ANO6: variants seen among roughly 807,000 people sequenced by gnomAD.
ANO6 encodes anoctamin 6.
A neutral mutation model predicts 117.5 loss-of-function variants in ANO6; 106 were observed. The ratio of observed to expected loss-of-function variants is 0.90; its 90% CI spans 0.77 to 1.06. The LOEUF is 1.06. Among genes scored for constraint, ANO6 ranks in the 50% least tolerant of loss-of-function variants. ANO6 has a pLI of 0.00. For synonymous variants in ANO6, 367 were observed against 385.1 expected, an observed-to-expected ratio of 0.95 and a Z score of 0.55; for missense variants, 955 against 1,121.1, an observed-to-expected ratio of 0.85 and a Z score of 2.12.
At chr12:45,378,646 C>G (rs1186495800) in intron 10 of ANO6, among the ~76,000 whole-genome samples, 1 of 152,116 alleles carries the variant, frequency 6.6e-6, no homozygotes, top group Non-Finnish European at 1.5e-5. Context: ...AGTCATATGG[C>G]CAAACCAGCA....
chr12:45,300,045 C>T (rs1379291890), intron 1 of ANO6, among the ~76,000 whole-genome samples: 1 of 152,042 alleles, frequency 6.6e-6, no homozygotes, highest in Non-Finnish European at 1.5e-5. Flanking sequence ...TTTTGGGTCA[C>T]TGAATGTTTC....
At chr12:45,310,761 G>A (rs1458070137) in intron 2 of ANO6, among the ~76,000 whole-genome samples, 1 of 152,004 alleles carries the variant, frequency 6.6e-6, no homozygotes, top group African/African-American at 2.4e-5. Context: ...TCATCTCAAG[G>A]TGATACAGGG....
intron 1 of ANO6, among the ~76,000 whole-genome samples, chr12:45,283,798 C>T (rs530712377): frequency 1.3e-5 from 2 of 152,230 alleles, no homozygotes; most frequent in African/African-American, 2.4e-5. Context: ...TTAATGTCAC[C>T]GGAATCCATG....
At chr12:45,385,984 C>G (rs1942288451) in intron 10 of ANO6, among the ~76,000 whole-genome samples, 1 of 152,180 alleles carries the variant, frequency 6.6e-6, no homozygotes, top group Non-Finnish European at 1.5e-5. Context: ...GCTGCAGGGT[C>G]TGCAGGATTT....
At chr12:45,425,115 A>T (rs897947921) in intron 19 of ANO6, among the ~76,000 whole-genome samples, 1 of 152,126 alleles carries the variant, frequency 6.6e-6, no homozygotes. Flanking sequence ...ACTAAAAATT[A>T]TAAGGCAATT....
At chr12:45,317,437 C>T (rs189188181) in intron 2 of ANO6, among the ~76,000 whole-genome samples, 2,584 of 151,624 alleles carry the variant, frequency 0.017, 68 homozygotes, top group African/African-American at 0.059. Context: ...CATGTCCCTG[C>T]AAAGGACATG....
At chr12:45,271,598 A>C (rs1938396050) in intron 1 of ANO6, among the ~76,000 whole-genome samples, 1 of 152,138 alleles carries the variant, frequency 6.6e-6, no homozygotes. Context: ...ATTGCAGTGT[A>C]CTTAGGATCA....
chr12:45,357,177 A>G, intron 7 of ANO6, 113 bp from the exon 8 acceptor site: 1 of 1,208,588 alleles, frequency 8.3e-7, no homozygotes, highest in East Asian at 2.4e-5. Context: ...GGGTGAATTG[A>G]GTCAGATTTA....
intron 17 of ANO6, among the ~76,000 whole-genome samples, chr12:45,420,377 T>C (rs1385151369): frequency 2.0e-5 from 3 of 151,586 alleles, no homozygotes; most frequent in Non-Finnish European, 4.4e-5. Context: ...TCCCAGCACT[T>C]GGAGAGGCTG....
rs138640078 is a variant in ANO6, at chr12:45,399,289, G to A, written c.1387-2506G>A. ...CAGCTCACTGCAACCTCCGCCTCCCGCGTTCAAGTGATTCTCCTGTCTCAG... is the reference window on the plus strand; with the variant it reads ...CAGCTCACTGCAACCTCCGCCTCCCACGTTCAAGTGATTCTCCTGTCTCAG... On this transcript the variant is annotated intron_variant, in intron 12 of 19. Transcript: ENST00000320560. Among the ~76,000 whole-genome samples, 11 of 152,180 alleles carry A rather than the reference G, an allele frequency of 7.2e-5. No homozygotes were observed. The East Asian group carries it at 1.4e-3, about 19-fold the overall frequency.
At chr12:45,369,253 C>T (rs57121130) in intron 9 of ANO6, among the ~76,000 whole-genome samples, 12,134 of 152,240 alleles carry the variant, frequency 0.08, 774 homozygotes, top group African/African-American at 0.17. Context: ...AGGGAAGCTG[C>T]TTCCAGTGAT....
At chr12:45,254,005 A>C (rs1937718798) in intron 1 of ANO6, among the ~76,000 whole-genome samples, 1 of 152,160 alleles carries the variant, frequency 6.6e-6, no homozygotes. Context: ...CGTCTGTATT[A>C]AAAATGCAAA....
intron 1 of ANO6, among the ~76,000 whole-genome samples, chr12:45,299,277 C>G (rs918295680): frequency 6.6e-6 from 1 of 152,174 alleles, no homozygotes; most frequent in Non-Finnish European, 1.5e-5. Context: ...TGTTACAACT[C>G]TCTCAGTGTA....
chr12:45,240,200 G>A (rs1178808840), intron 1 of ANO6, among the ~76,000 whole-genome samples: 1 of 151,798 alleles, frequency 6.6e-6, no homozygotes, highest in East Asian at 1.9e-4. Context: ...TATGAATCTG[G>A]GTGCTCCTGT....
At position 45,348,274 on chromosome 12, in the gene ANO6, G is replaced by C; in HGVS notation, c.592G>C (p.Asp198His). 2.5e-6 allele frequency: 4 copies of C among 1,614,070 alleles called. No individual in the cohort carries two copies. Among genetic ancestry groups the C allele is most frequent in the Non-Finnish European group, 3.4e-6 (4 of 1,179,976 alleles). ...KNRMNDFYIV[D>H]RDAFFNPATR... Reference sequence around the variant, plus strand: ...CCGGATGAATGATTTTTACATAGTTGATAGAGATGCTTTCTTCAATCCAGC... The same window carrying C: ...CCGGATGAATGATTTTTACATAGTTCATAGAGATGCTTTCTTCAATCCAGC... The change falls in exon 5 of 20, where the codon GAT (aspartate) becomes CAT (histidine). Residue 198 changes from aspartate to histidine, a missense_variant. Asp to His is a moderately conservative substitution (Grantham distance 81). Transcript: ENST00000320560.
intron 2 of ANO6, among the ~76,000 whole-genome samples, chr12:45,315,039 A>C (rs1189962888): frequency 6.6e-6 from 1 of 152,024 alleles, no homozygotes; most frequent in Non-Finnish European, 1.5e-5. Flanking sequence ...TGGAATGTAG[A>C]AATGTTGGAC....
intron 13 of ANO6, among the ~76,000 whole-genome samples, chr12:45,402,682 C>T (rs774698836): frequency 6.6e-6 from 1 of 152,168 alleles, no homozygotes; most frequent in Non-Finnish European, 1.5e-5. Context: ...TTGTTTTCTT[C>T]AATAGACCTA....
chr12:45,408,245 A>T (rs1020193896), intron 15 of ANO6, among the ~76,000 whole-genome samples: 4 of 152,154 alleles, frequency 2.6e-5, no homozygotes, highest in African/African-American at 9.7e-5. Flanking sequence ...CACATGTTTA[A>T]TCAGCCAGTG....
chr12:45,295,858 T>C lies in ANO6; in HGVS notation c.71-6156T>C, dbSNP rs564526209. The stretch of plus-strand genomic sequence containing the variant: ...TACAGGCGCTTTTTAAATTTTTTTA[T>C]TTTTATTTTTATTTTTATTTTTGAA... On this transcript the variant is annotated intron_variant, in intron 1 of 19. Coordinates refer to ENST00000320560, the MANE Select transcript of ANO6 (RefSeq NM_001025356.3). 2.0e-5 allele frequency among the ~76,000 whole-genome samples: 3 copies of C among 151,742 alleles called. No homozygotes were observed. In the South Asian group the frequency reaches 6.2e-4, roughly 32 times the overall value.
Sources: allele counts gnomAD v4.1 joint callset (sites outside exome capture counted in the v4.1 genomes callset), GRCh38; gene constraint gnomAD v4.1.1; transcripts MANE v1.5; gene names NCBI Gene and HGNC (gene_info 2026-07-23, HGNC 2026-07-21).